Variants in FBXW11 observed in about 807,000 individuals in gnomAD.
The protein encoded by FBXW11 is F-box and WD repeat domain containing 11, also known as F-box/WD repeat-containing protein 11.
A neutral mutation model predicts 77.6 loss-of-function variants in FBXW11; 19 were observed. The observed-to-expected ratio is 0.24, with a 90% CI of 0.17 to 0.36. The LOEUF (loss-of-function observed/expected upper bound fraction) is 0.36, where lower values mean the gene tolerates loss of function less well. Ranked by LOEUF, FBXW11 falls within the 10% of genes least tolerant of loss-of-function variation. FBXW11 has a pLI of 1.00. For missense variants in FBXW11, 334 were observed against 704.2 expected (o/e 0.47, Z 5.95); for synonymous variants, 235 against 249.4 (o/e 0.94, Z 0.54).
chr5:171,875,342 G>A (rs1029455249), intron 9 of FBXW11, among the ~76,000 whole-genome samples: 2 of 152,018 alleles, frequency 1.3e-5, no homozygotes, highest in African/African-American at 4.8e-5. Flanking sequence ...CTAAGTGAAA[G>A]CAGCGAGAAA....
At chr5:171,991,389 AAC>A (rs1765731413) in intron 1 of FBXW11, among the ~76,000 whole-genome samples, 1 of 152,174 alleles carries the variant, frequency 6.6e-6, no homozygotes, top group Non-Finnish European at 1.5e-5. Flanking sequence ...CAATAATTCT[AAC>A]ACCACTAATT....
At chr5:171,888,970 A>C (rs577806216) in intron 7 of FBXW11, among the ~76,000 whole-genome samples, 3 of 152,348 alleles carry the variant, frequency 2.0e-5, no homozygotes, top group African/African-American at 7.2e-5. Flanking sequence ...AATAGAAATT[A>C]TCCAGAAAAG....
rs895772183 is a variant in FBXW11, at chr5:171,862,647, A to G, written c.*1480T>C. 1 of 152,658 alleles carries G rather than the reference A, an allele frequency of 6.6e-6. No homozygotes were observed. The highest frequency in any genetic ancestry group is 1.5e-5 in the Non-Finnish European group (1 of 68,062). The allele number at this position is 152,658 out of a possible 1,614,324, so 9.5% of individuals were successfully genotyped here. ...CTGTCAGGGCAACAGTGCCATTTAC[A>G]CATTTGGGCTGTGTCGTAGGGAGGA... On this transcript the variant is annotated 3_prime_UTR_variant, in exon 14 of 14. Coordinates refer to ENST00000517395, the MANE Select transcript of FBXW11 (RefSeq NM_001378974.1).
chr5:171,928,220 G>A (rs919915113), intron 2 of FBXW11, among the ~76,000 whole-genome samples: 5 of 152,090 alleles, frequency 3.3e-5, no homozygotes, highest in African/African-American at 1.2e-4. Context: ...ATGACTAACT[G>A]AAAAGTATAA....
intron 1 of FBXW11, among the ~76,000 whole-genome samples, chr5:171,975,250 T>C (rs1012593978): frequency 2.0e-5 from 3 of 152,186 alleles, no homozygotes; most frequent in Non-Finnish European, 2.9e-5. Flanking sequence ...AAAGAAGCCA[T>C]ATGCCACTAG....
intron 2 of FBXW11, among the ~76,000 whole-genome samples, chr5:171,943,922 CATA>C (rs1762872462): frequency 6.6e-6 from 1 of 152,136 alleles, no homozygotes; most frequent in African/African-American, 2.4e-5. Flanking sequence ...CTAGTGAAGG[CATA>C]ATGAGACGTA....
At chr5:171,937,963 A>C (rs1762563370) in intron 2 of FBXW11, among the ~76,000 whole-genome samples, 1 of 152,206 alleles carries the variant, frequency 6.6e-6, no homozygotes, top group African/African-American at 2.4e-5. Context: ...AGCCTATGTC[A>C]CAAATAAAAG....
intron 2 of FBXW11, among the ~76,000 whole-genome samples, chr5:171,934,451 G>A (rs987444929): frequency 6.6e-6 from 1 of 152,132 alleles, no homozygotes; most frequent in African/African-American, 2.4e-5. Flanking sequence ...GCCGAGGCAT[G>A]CAGATCACTT....
intron 2 of FBXW11, among the ~76,000 whole-genome samples, chr5:171,928,716 T>C (rs1762012976): frequency 6.6e-6 from 1 of 152,224 alleles, no homozygotes; most frequent in African/African-American, 2.4e-5. Context: ...AGATGGAACA[T>C]TTTCCCCTTG....
intron 7 of FBXW11, among the ~76,000 whole-genome samples, chr5:171,886,701 T>C (rs1581149382): frequency 6.6e-6 from 1 of 152,254 alleles, no homozygotes; most frequent in East Asian, 1.9e-4. Flanking sequence ...AGGTTAGGGC[T>C]ATCAAGTATA....
At chr5:171,954,646 T>C (rs1489177356) in intron 2 of FBXW11, among the ~76,000 whole-genome samples, 3 of 152,154 alleles carry the variant, frequency 2.0e-5, no homozygotes, top group Admixed American at 2.0e-4. Flanking sequence ...CCCTGGCACA[T>C]ACCAATTGCT....
chr5:171,999,820 CA>C (rs1298810232), intron 1 of FBXW11, among the ~76,000 whole-genome samples: 2 of 147,038 alleles, frequency 1.4e-5, no homozygotes, highest in Non-Finnish European at 3.0e-5. Flanking sequence ...GCCAAAGAGC[CA>C]AAGCTTTTTT....
At chr5:171,971,104 C>T (rs1283693643) in intron 1 of FBXW11, among the ~76,000 whole-genome samples, 1 of 152,162 alleles carries the variant, frequency 6.6e-6, no homozygotes, top group Non-Finnish European at 1.5e-5. Flanking sequence ...ACCATTTTGT[C>T]CATGTTCTTA....
chr5:171,987,201 C>T (rs757448841), intron 1 of FBXW11, among the ~76,000 whole-genome samples: 1 of 152,158 alleles, frequency 6.6e-6, no homozygotes, highest in Non-Finnish European at 1.5e-5. Flanking sequence ...AATGACCTAA[C>T]GGGATAAAGT....
intron 13 of FBXW11, among the ~76,000 whole-genome samples, chr5:171,865,603 T>C (rs1757339844): frequency 6.6e-6 from 1 of 152,236 alleles, no homozygotes; most frequent in Admixed American, 6.5e-5. Flanking sequence ...TTAAAAAGCC[T>C]GAAAGGATCT....
In FBXW11 at chr5:172,006,570, G is replaced by C. The variant is rs1197862831; in HGVS notation, c.-68C>G. The C allele has an allele frequency of 7.0e-7, 1 of 1,433,764 alleles. No homozygotes were observed. The highest frequency in any genetic ancestry group is 2.9e-5 in the Admixed American group (1 of 34,948). The allele number at this position is 1,433,764 out of a possible 1,614,324, so 88.8% of individuals were successfully genotyped here. A position where few individuals can be genotyped will look rare whatever the true frequency, so the allele number is the denominator to read the frequency against. On this transcript the variant is annotated 5_prime_UTR_variant, in exon 1 of 14. Coordinates refer to ENST00000517395, the MANE Select transcript of FBXW11 (RefSeq NM_001378974.1). ...GAACGGCCCGGGCGGAGGAGGCGAC[G>C]GCGGAGGCGGCAGAGGCGGAGGCGG... is the stretch of plus-strand genomic sequence containing the variant.
intron 1 of FBXW11, among the ~76,000 whole-genome samples, chr5:171,977,085 A>C (rs1318403036): frequency 6.6e-6 from 1 of 151,912 alleles, no homozygotes; most frequent in Non-Finnish European, 1.5e-5. Flanking sequence ...CACGCCTGTA[A>C]TCCCAGCAAT....
At chr5:171,930,755 A>T (rs1299416417) in intron 2 of FBXW11, among the ~76,000 whole-genome samples, 5 of 52,152 alleles carry the variant, frequency 9.6e-5, no homozygotes, top group African/African-American at 2.6e-4. Context: ...AATAAAAAAT[A>T]AAAAAATAAA....
intron 2 of FBXW11, among the ~76,000 whole-genome samples, chr5:171,921,660 A>T (rs955420062): frequency 2.0e-4 from 31 of 152,222 alleles, no homozygotes; most frequent in African/African-American, 7.5e-4. Context: ...AGAAAAATTC[A>T]AATTAAAAGG....
Sources: gnomAD v4.1 joint callset for allele counts (sites outside exome capture counted in the v4.1 genomes callset) on GRCh38, gnomAD v4.1.1 for gene constraint, MANE v1.5 for transcripts, NCBI Gene and HGNC (gene_info 2026-07-23, HGNC 2026-07-21) for gene names.